The following PARD3B variants were observed in gnomAD, a reference collection of about 807,000 sequenced individuals.
The protein encoded by PARD3B is par-3 family cell polarity regulator beta.
In PARD3B, 103 loss-of-function variants were observed where a neutral mutation model predicts 130.2. The ratio of observed to expected loss-of-function variants is 0.79; its 90% CI spans 0.67 to 0.93. PARD3B has a LOEUF of 0.93. Ranked by LOEUF, PARD3B falls within the 40% of genes least tolerant of loss-of-function variation. PARD3B has a pLI of 0.00. For missense variants in PARD3B, 1,609 were observed against 1,499.2 expected (o/e 1.07, Z -1.21); for synonymous variants, 583 against 553.2 (o/e 1.05, Z -0.76).
intron 1 of PARD3B, among the ~76,000 whole-genome samples, chr2:204,641,151 C>A (rs2035063666): frequency 6.7e-6 from 1 of 148,308 alleles, no homozygotes; most frequent in African/African-American, 2.5e-5. Flanking sequence ...CTGTTATTAT[C>A]TTTATCAGAT....
At chr2:204,931,662 T>G (rs1333468760) in intron 2 of PARD3B, among the ~76,000 whole-genome samples, 1 of 152,054 alleles carries the variant, frequency 6.6e-6, no homozygotes, top group Non-Finnish European at 1.5e-5. Context: ...TGACATTCTT[T>G]TAAGATCTTT....
chr2:204,662,788 C>G (rs534206178), intron 1 of PARD3B, among the ~76,000 whole-genome samples: 1 of 152,192 alleles, frequency 6.6e-6, no homozygotes, highest in Admixed American at 6.5e-5. Context: ...TGCTAAGACA[C>G]CAGCAGTTTG....
chr2:205,373,830 GT>G (rs1339392645), intron 18 of PARD3B, among the ~76,000 whole-genome samples: 5 of 152,178 alleles, frequency 3.3e-5, no homozygotes, highest in African/African-American at 1.2e-4. Context: ...CCCTTGCTCT[GT>G]TTATGTAGAA....
At position 205,615,567 on chromosome 2, in the gene PARD3B, G is replaced by T. The variant is rs1393005383; in HGVS notation, c.3372G>T (p.Gly1124=). The T allele has an allele frequency of 2.5e-6, 4 of 1,614,086 alleles. No individual in the cohort carries two copies. The highest frequency in any genetic ancestry group is 2.5e-6 in the Non-Finnish European group (3 of 1,180,008). Residue 1124 remains glycine (G), a synonymous_variant, in exon 23 of 23, where the codon GGG becomes GGT. Transcript: ENST00000406610. ...PGAHPMHPPK[G]SYPRPTELRV... Reference sequence around the variant, plus strand: ...CTCATCCTATGCACCCTCCCAAAGGGAGCTATCCCCGCCCCACAGAGCTCA... The same window carrying T: ...CTCATCCTATGCACCCTCCCAAAGGTAGCTATCCCCGCCCCACAGAGCTCA...
In PARD3B at chr2:204,843,998, T is replaced by C. The variant is rs551737522; in HGVS notation, c.223-121154T>C. Among the ~76,000 whole-genome samples the C allele has an allele frequency of 5.9e-3, 891 of 152,228 alleles. 6 individuals carry two copies. Among genetic ancestry groups the C allele is most frequent in the Non-Finnish European group, 8.1e-3 (551 of 68,004 alleles). ...TATGAGTAATGGCAATGCACAAAGCTGATGAAAGCCGAAATTCCATCAGAT... is the reference window on the plus strand; with the variant it reads ...TATGAGTAATGGCAATGCACAAAGCCGATGAAAGCCGAAATTCCATCAGAT... On this transcript the variant is annotated intron_variant, in intron 2 of 22. Transcript: ENST00000406610.
chr2:205,294,032 A>T (rs925334957), intron 16 of PARD3B, among the ~76,000 whole-genome samples: 1 of 152,172 alleles, frequency 6.6e-6, no homozygotes, highest in Non-Finnish European at 1.5e-5. Context: ...GTTTTCCTAT[A>T]AGTACCCACA....
intron 2 of PARD3B, among the ~76,000 whole-genome samples, chr2:204,794,734 C>G (rs976279644): frequency 6.6e-6 from 1 of 152,188 alleles, no homozygotes; most frequent in Non-Finnish European, 1.5e-5. Context: ...GGTTTAATGA[C>G]TGGCTCACAA....
At chr2:205,396,911 A>G (rs529198594) in intron 18 of PARD3B, among the ~76,000 whole-genome samples, 20 of 152,312 alleles carry the variant, frequency 1.3e-4, no homozygotes, top group African/African-American at 4.6e-4. Flanking sequence ...TCCTCTTTCT[A>G]TATCTCAGTA....
At chr2:205,317,280 A>C (rs1472100945) in intron 18 of PARD3B, among the ~76,000 whole-genome samples, 2 of 152,322 alleles carry the variant, frequency 1.3e-5, no homozygotes, top group East Asian at 3.9e-4. Context: ...ACCTACCTGC[A>C]ATATGTGTAT....
In PARD3B at chr2:205,187,854, T is replaced by G. The variant is rs929960901; in HGVS notation, c.2024+1991T>G. Among the ~76,000 whole-genome samples, 2 of 152,234 alleles carry G rather than the reference T, an allele frequency of 1.3e-5. No individual in the cohort carries two copies. Among genetic ancestry groups the G allele is most frequent in the African/African-American group, 4.8e-5 (2 of 41,466 alleles). ...TTTATTAGAACTGCTCTCTTAATCA[T>G]CAACGGTAATCTCCTTTCAGTCAAA... On this transcript the variant is annotated intron_variant, in intron 14 of 22. Transcript: ENST00000406610. This position sits in a 1 kb window ranked among gnomAD's most constrained non-coding sequence, Gnocchi z 4.9.
chr2:205,014,644 C>G (rs921890622), intron 3 of PARD3B, among the ~76,000 whole-genome samples: 2 of 152,192 alleles, frequency 1.3e-5, no homozygotes, highest in African/African-American at 4.8e-5. Context: ...ATTTATTGAG[C>G]ATCTCTTCTG....
chr2:204,830,039 C>A (rs898190850), intron 2 of PARD3B, among the ~76,000 whole-genome samples: 6 of 151,844 alleles, frequency 4.0e-5, no homozygotes, highest in African/African-American at 1.2e-4. Flanking sequence ...TAGCACTTCT[C>A]CCTTAGTGTG....
rs561873094 is a variant in PARD3B, at chr2:205,470,969, G to A, written c.3045-28927G>A. Among the ~76,000 whole-genome samples, 3 of 152,306 alleles carry A rather than the reference G, an allele frequency of 2.0e-5. No individual in the cohort carries two copies. In the East Asian group the frequency reaches 5.8e-4, roughly 29 times the overall value. On this transcript the variant is annotated intron_variant, in intron 20 of 22. Transcript: ENST00000406610. The surrounding 1 kb of genome is among the most constrained non-coding windows in gnomAD (Gnocchi z 4.8). ...GAGTTTTCAAGCCCAGGAATGATGT[G>A]AATCAGACATCAGAAGGGAGAATCA...
intron 16 of PARD3B, among the ~76,000 whole-genome samples, chr2:205,255,781 C>A (rs908702423): frequency 6.6e-6 from 1 of 152,124 alleles, no homozygotes; most frequent in African/African-American, 2.4e-5. Context: ...CTAGGAGCTT[C>A]CATGCACTCT....
rs147569490 is a variant in PARD3B, at chr2:205,463,130, T to C, written c.3044+22458T>C. On this transcript the variant is annotated intron_variant, in intron 20 of 22. Transcript: ENST00000406610. The surrounding 1 kb of genome is among the most constrained non-coding windows in gnomAD (Gnocchi z 4.8). ...ATTTGGTTTGAACTGACTCACCTAA[T>C]TGGGGTCAACCACTGAAAAAAAATG... Among the ~76,000 whole-genome samples, 49 of 152,326 alleles carry C rather than the reference T, an allele frequency of 3.2e-4. No individual in the cohort carries two copies. The highest frequency in any genetic ancestry group is 3.4e-3 in the Middle Eastern group (1 of 294).
intron 1 of PARD3B, among the ~76,000 whole-genome samples, chr2:204,592,694 A>G (rs2033127612): frequency 6.6e-6 from 1 of 152,176 alleles, no homozygotes; most frequent in South Asian, 2.1e-4. Context: ...TTCTCAGAGT[A>G]TTTGCATCCA....
At chr2:204,679,370 A>G (rs2036712753) in intron 1 of PARD3B, among the ~76,000 whole-genome samples, 1 of 152,176 alleles carries the variant, frequency 6.6e-6, no homozygotes, top group Non-Finnish European at 1.5e-5. Context: ...ATGTTCATTC[A>G]GCTTTATGGC....
intron 15 of PARD3B, among the ~76,000 whole-genome samples, chr2:205,208,740 A>T (rs1404291320): frequency 1.4e-5 from 2 of 145,296 alleles, no homozygotes; most frequent in African/African-American, 5.3e-5. Context: ...AAATGGAAGA[A>T]CATTCCATGC....
At chr2:205,213,200 T>G (rs1176887272) in intron 15 of PARD3B, among the ~76,000 whole-genome samples, 1 of 150,692 alleles carries the variant, frequency 6.6e-6, no homozygotes, top group Non-Finnish European at 1.5e-5. Flanking sequence ...AAATCTTGCC[T>G]TCTCTAGGGG....
Sources: allele counts gnomAD v4.1 joint callset (sites outside exome capture counted in the v4.1 genomes callset), GRCh38; gene constraint gnomAD v4.1.1; non-coding constraint Gnocchi (gnomAD v3.1); transcripts MANE v1.5; gene names NCBI Gene and HGNC (gene_info 2026-07-23, HGNC 2026-07-21).